KIF3C: variants seen among roughly 807,000 people sequenced by gnomAD.
KIF3C encodes the protein kinesin-like protein KIF3C.
A neutral mutation model predicts 67.7 loss-of-function variants in KIF3C; 12 were observed. That is an observed-to-expected ratio of 0.18 (90% CI 0.11 to 0.29). The LOEUF (loss-of-function observed/expected upper bound fraction) is 0.29. Among genes scored for constraint, KIF3C ranks in the 10% least tolerant of loss-of-function variants. The pLI is 1.00. For synonymous variants in KIF3C, 393 were observed against 426.2 expected, an observed-to-expected ratio of 0.92 and a Z score of 0.96; for missense variants, 789 against 1,059.6, an observed-to-expected ratio of 0.74 and a Z score of 3.55.
At chr2:25,960,815 G>A (rs530072844) in intron 1 of KIF3C, among the ~76,000 whole-genome samples, 5 of 152,248 alleles carry the variant, frequency 3.3e-5, no homozygotes, top group Admixed American at 2.6e-4. Context: ...GTGGGCCTGT[G>A]GTCCCAGCTA....
At chr2:25,963,194 ATATT>A (rs1465557163) in intron 1 of KIF3C, among the ~76,000 whole-genome samples, 10 of 52,848 alleles carry the variant, frequency 1.9e-4, no homozygotes, top group African/African-American at 1.3e-3. Flanking sequence ...ATATATATAT[ATATT>A]TTTTTTTTTT....
chr2:25,929,523 G>C, intron 6 of KIF3C, 46 bp from the exon 7 acceptor site: 1 of 1,565,578 alleles, frequency 6.4e-7, no homozygotes, highest in Non-Finnish European at 8.8e-7. Flanking sequence ...CCCAGTCACT[G>C]TGCCTTCTAG....
chr2:25,926,900 A>G lies in KIF3C; in HGVS notation c.*2078T>C, dbSNP rs1478776831. On this transcript the variant is annotated 3_prime_UTR_variant, in exon 8 of 8. Coordinates refer to ENST00000264712, the MANE Select transcript of KIF3C (RefSeq NM_002254.8). ...TCAAGGCCCTTACTTTGTCAATCAAATATTTGATACACCAAAAGGAAAAGG... is the reference window on the plus strand; with the variant it reads ...TCAAGGCCCTTACTTTGTCAATCAAGTATTTGATACACCAAAAGGAAAAGG... 1 of 152,218 alleles carries G rather than the reference A, an allele frequency of 6.6e-6. No individual in the cohort carries two copies. Among genetic ancestry groups the G allele is most frequent in the Non-Finnish European group, 1.5e-5 (1 of 68,054 alleles). The allele number at this position is 152,218 out of a possible 1,614,324, so 9.4% of individuals were successfully genotyped here.
chr2:25,954,188 TGAG>T (rs1663735671), intron 4 of KIF3C, 76 bp downstream of exon 4: 1 of 1,007,562 alleles, frequency 9.9e-7, no homozygotes, highest in African/African-American at 1.6e-5. Context: ...ACAGTCAGGA[TGAG>T]GCCTTAGGGG....
intron 1 of KIF3C, among the ~76,000 whole-genome samples, chr2:25,967,208 T>TA (rs1348938017): frequency 1.2e-4 from 19 of 152,254 alleles, no homozygotes; most frequent in African/African-American, 4.3e-4. Flanking sequence ...GAGAGTCTTA[T>TA]GGGGGTCTCT....
chr2:25,980,386 G>A lies in KIF3C; in HGVS notation c.1532C>T (p.Ala511Val), dbSNP rs377274965. 4.3e-5 allele frequency: 70 copies of A among 1,612,950 alleles called. No homozygotes were observed. In the Middle Eastern group the frequency reaches 9.9e-4, roughly 23 times the overall value. Residue 511 changes from alanine to valine, a missense_variant, in exon 1 of 8, where the codon GCG becomes GTG. Ala to Val is a moderately conservative substitution (Grantham distance 64, BLOSUM62 0). Around this residue, in one of 2 missense-constraint regions of KIF3C, gnomAD observed 648 missense variants for 807.8 expected, o/e 0.80. Transcript: ENST00000264712. This position sits in a 1 kb window ranked among gnomAD's most constrained non-coding sequence, Gnocchi z 7.6. ...TGGGGCCCTTACCTTGTACTTGGCC[G>A]CAAGCAGCTCTGTGGCCTGCTGTTC... Reference protein sequence around the residue: ...RREQQATELLAAKYKAMESKL... With the variant: ...RREQQATELLVAKYKAMESKL...
chr2:25,974,116 C>T (rs1358744563), intron 1 of KIF3C, among the ~76,000 whole-genome samples: 1 of 152,168 alleles, frequency 6.6e-6, no homozygotes, highest in Non-Finnish European at 1.5e-5. Context: ...TGTCACCAGG[C>T]TGGAGTGCAG....
intron 7 of KIF3C, 75 bp from the exon 8 acceptor site, chr2:25,929,146 G>T: frequency 7.0e-7 from 1 of 1,435,804 alleles, no homozygotes; most frequent in Non-Finnish European, 9.7e-7. Flanking sequence ...CCTCTCCTTT[G>T]CCCCATCCTG....
intron 1 of KIF3C, among the ~76,000 whole-genome samples, chr2:25,963,196 ATT>A (rs1165957083): frequency 1.2e-3 from 52 of 43,274 alleles, no homozygotes; most frequent in South Asian, 2.8e-3. Context: ...ATATATATAT[ATT>A]TTTTTTTTTT....
chr2:25,966,294 T>C (rs963993826), intron 1 of KIF3C, among the ~76,000 whole-genome samples: 2 of 152,040 alleles, frequency 1.3e-5, no homozygotes, highest in Admixed American at 1.3e-4. Context: ...TTAGTAGAGA[T>C]GGGGTTTCAC....
At chr2:25,970,667 C>CA (rs397984116) in intron 1 of KIF3C, among the ~76,000 whole-genome samples, 2,225 of 54,322 alleles carry the variant, frequency 0.041, 52 homozygotes, top group East Asian at 0.076. Context: ...AACTTTGTCT[C>CA]AAAAAAAAAA....
intron 1 of KIF3C, among the ~76,000 whole-genome samples, chr2:25,962,226 TG>T (rs759919199): frequency 6.6e-6 from 1 of 152,214 alleles, no homozygotes; most frequent in African/African-American, 2.4e-5. Flanking sequence ...TAAAGAATTC[TG>T]GGGACACGTT....
Position 25,980,221 on chromosome 2 carries a change from C to G in KIF3C, c.1545+152G>C. 1 of 668,386 alleles carries G rather than the reference C, an allele frequency of 1.5e-6. No homozygotes were observed. Among genetic ancestry groups the G allele is most frequent in the East Asian group, 2.7e-5 (1 of 36,540 alleles). The allele number at this position is 668,386 out of a possible 1,614,324, so 41.4% of individuals were successfully genotyped here. The stretch of plus-strand genomic sequence containing the variant: ...CCCGGTATCACAGCAATTTGCCTGG[C>G]TGCTCTGGGGGCACATTTGGCAGGA... On this transcript the variant is annotated intron_variant, in intron 1 of 7. Transcript: ENST00000264712. The surrounding 1 kb of genome is among the most constrained non-coding windows in gnomAD (Gnocchi z 7.6).
chr2:25,952,048 T>C (rs1423609176), intron 4 of KIF3C, 143 bp from the exon 5 acceptor site: 1 of 614,510 alleles, frequency 1.6e-6, no homozygotes. Context: ...TCCCAGCACT[T>C]TGGGAGACCA....
At chr2:25,978,590 G>A (rs923653794) in intron 1 of KIF3C, among the ~76,000 whole-genome samples, 5 of 152,076 alleles carry the variant, frequency 3.3e-5, no homozygotes, top group Admixed American at 2.0e-4. Context: ...TCTCTTGGCC[G>A]TTCTATCATC....
At chr2:25,934,970 G>A (rs534787715) in intron 5 of KIF3C, among the ~76,000 whole-genome samples, 92 of 151,624 alleles carry the variant, frequency 6.1e-4, no homozygotes, top group Non-Finnish European at 1.0e-3. Flanking sequence ...ATGGCCAGGC[G>A]CAGTGGCTCA....
chr2:25,952,557 A>G (rs866491470), intron 4 of KIF3C, among the ~76,000 whole-genome samples: 1 of 125,584 alleles, frequency 8.0e-6, no homozygotes, highest in African/African-American at 3.1e-5. Context: ...GTGTATATAT[A>G]TATATATTTT....
chr2:25,940,601 C>T (rs1663257092), intron 5 of KIF3C, among the ~76,000 whole-genome samples: 1 of 149,870 alleles, frequency 6.7e-6, no homozygotes, highest in South Asian at 2.1e-4. Flanking sequence ...AAAAAACTTA[C>T]TCAAGGCCAC....
Position 25,982,023 on chromosome 2 carries a change from C to G in KIF3C, c.-106G>C. On this transcript the variant is annotated 5_prime_UTR_variant, in exon 1 of 8. Transcript: ENST00000264712. ...GCGGGGCCGGCCCAGCCCCCAGGCGCAGCTCTTCAATCCGCATGCAGCCTC... is the reference window on the plus strand; with the variant it reads ...GCGGGGCCGGCCCAGCCCCCAGGCGGAGCTCTTCAATCCGCATGCAGCCTC... 1 of 921,494 alleles carries G rather than the reference C, an allele frequency of 1.1e-6. No individual in the cohort carries two copies. Among genetic ancestry groups the G allele is most frequent in the Non-Finnish European group, 1.6e-6 (1 of 629,750 alleles). The allele number at this position is 921,494 out of a possible 1,614,324, so 57.1% of individuals were successfully genotyped here.
Sources: gnomAD v4.1 joint callset for allele counts (sites outside exome capture counted in the v4.1 genomes callset) on GRCh38, gnomAD v4.1.1 for gene constraint, gnomAD v4.1.1 regional missense constraint, Gnocchi (gnomAD v3.1) non-coding constraint, MANE v1.5 for transcripts, NCBI Gene and HGNC (gene_info 2026-07-23, HGNC 2026-07-21) for gene names.